The following SCN8A variants were observed in gnomAD, a reference collection of about 807,000 sequenced individuals.
SCN8A encodes sodium channel protein type 8 subunit alpha.
Under a neutral mutation model 184.1 loss-of-function variants are expected in SCN8A, and 30 were observed. That is an observed-to-expected ratio of 0.16 (90% CI 0.12 to 0.22). The LOEUF (loss-of-function observed/expected upper bound fraction) is 0.22. Among genes scored for constraint, SCN8A ranks in the 10% least tolerant of loss-of-function variants. The probability of loss-of-function intolerance (pLI) is 1.00; values close to 1 mark genes in which losing one functional copy is unlikely to be tolerated. For synonymous variants in SCN8A, 852 were observed against 907.0 expected (o/e 0.94, Z 1.09); for missense variants, 1,057 against 2,498.9 (o/e 0.42, Z 12.30).
chr12:51,742,716 T>C (rs1365204840), intron 12 of SCN8A, among the ~76,000 whole-genome samples: 3 of 152,110 alleles, frequency 2.0e-5, no homozygotes, highest in Non-Finnish European at 4.4e-5. Context: ...TATAATCTTC[T>C]TGTACTTGAA....
At chr12:51,704,412 G>A (rs1462420439) in intron 9 of SCN8A, among the ~76,000 whole-genome samples, 1 of 151,704 alleles carries the variant, frequency 6.6e-6, no homozygotes, top group Admixed American at 6.6e-5. Flanking sequence ...GCTCATGCCT[G>A]TAATCCCAGC....
At chr12:51,655,765 T>C (rs1940811178) in intron 1 of SCN8A, among the ~76,000 whole-genome samples, 1 of 152,228 alleles carries the variant, frequency 6.6e-6, no homozygotes, top group South Asian at 2.1e-4. Context: ...TCAATCTCTT[T>C]TAGAACTGCC....
intron 15 of SCN8A, 68 bp downstream of exon 15, chr12:51,762,744 A>C (rs1942780988): frequency 1.1e-5 from 15 of 1,329,476 alleles, no homozygotes; most frequent in Non-Finnish European, 1.5e-5. Flanking sequence ...AGTTCTGCAT[A>C]AATTAATTTG....
At chr12:51,709,880 G>C (rs1941845788) in intron 11 of SCN8A, among the ~76,000 whole-genome samples, 1 of 152,172 alleles carries the variant, frequency 6.6e-6, no homozygotes, top group Non-Finnish European at 1.5e-5. Flanking sequence ...GGATGAGGTG[G>C]ATAAATTTGT....
chr12:51,760,228 A>G (rs1236755138), intron 14 of SCN8A, among the ~76,000 whole-genome samples: 1 of 152,242 alleles, frequency 6.6e-6, no homozygotes, highest in Non-Finnish European at 1.5e-5. Flanking sequence ...CAGTGCAAAC[A>G]AGAGCATCAT....
rs140778459 is a variant in SCN8A, at chr12:51,767,451, A to G, written c.2902-1414A>G. On this transcript the variant is annotated intron_variant, in intron 16 of 26. Transcript: ENST00000627620. ...TTCTGTCTCTTTTCTCTCCACTCCC[A>G]GCAAATATCTGATGTGTCTTAAATG... is the stretch of plus-strand genomic sequence containing the variant. Among the ~76,000 whole-genome samples, 11 of 152,306 alleles carry G rather than the reference A, an allele frequency of 7.2e-5. No homozygotes were observed. The East Asian group carries it at 2.1e-3, about 29-fold the overall frequency.
chr12:51,654,197 A>G (rs869117816), intron 1 of SCN8A, among the ~76,000 whole-genome samples: 2 of 152,182 alleles, frequency 1.3e-5, no homozygotes, highest in African/African-American at 4.8e-5. Flanking sequence ...TCATTTTAAT[A>G]AAGTTCCATT....
intron 9 of SCN8A, among the ~76,000 whole-genome samples, chr12:51,704,554 C>G (rs1223522326): frequency 6.6e-6 from 1 of 151,224 alleles, no homozygotes; most frequent in African/African-American, 2.4e-5. Context: ...CCTGTAATCC[C>G]AGCTACTCGG....
chr12:51,627,141 G>A (rs1389999599), intron 1 of SCN8A, among the ~76,000 whole-genome samples: 1 of 152,148 alleles, frequency 6.6e-6, no homozygotes, highest in Non-Finnish European at 1.5e-5. Context: ...GGGACTAGGA[G>A]TAGGAGACTT....
intron 1 of SCN8A, among the ~76,000 whole-genome samples, chr12:51,639,392 G>C (rs114452962): frequency 6.6e-6 from 1 of 151,884 alleles, no homozygotes; most frequent in African/African-American, 2.4e-5. Context: ...GGTTTGAGAG[G>C]ACTGACTCCA....
Position 51,592,963 on chromosome 12 carries a change from A to AT in SCN8A, c.-55+1614dup, listed in dbSNP as rs78801013. Reference sequence around the variant, plus strand: ...TGCTTTTATTCTTTTCTCAAAAAAAATTTTTTTTTTGATTTGTGATGCAAA... The same window carrying AT: ...TGCTTTTATTCTTTTCTCAAAAAAAATTTTTTTTTTTGATTTGTGATGCAAA... On this transcript the variant is annotated intron_variant, in intron 1 of 26. Coordinates refer to ENST00000627620, the MANE Select transcript of SCN8A (RefSeq NM_001330260.2). 3.3e-5 allele frequency among the ~76,000 whole-genome samples: 5 copies of AT among 152,130 alleles called. No individual in the cohort carries two copies. The East Asian group carries it at 7.7e-4, about 23-fold the overall frequency.
At chr12:51,591,989 A>T (rs1157231610) in intron 1 of SCN8A, among the ~76,000 whole-genome samples, 2 of 139,190 alleles carry the variant, frequency 1.4e-5, no homozygotes, top group African/African-American at 5.6e-5. Context: ...CTTCCTCGGC[A>T]GGCGAGGATT....
At chr12:51,684,583 A>C (rs916197939) in intron 3 of SCN8A, among the ~76,000 whole-genome samples, 3 of 152,196 alleles carry the variant, frequency 2.0e-5, no homozygotes, top group African/African-American at 7.2e-5. Flanking sequence ...TTTAGTACTC[A>C]GACTTCAGTG....
intron 2 of SCN8A, among the ~76,000 whole-genome samples, chr12:51,681,952 T>C (rs1184630720): frequency 6.6e-6 from 1 of 151,290 alleles, no homozygotes. Flanking sequence ...GGGATGGAGG[T>C]TAAAAAAAAA....
intron 2 of SCN8A, among the ~76,000 whole-genome samples, chr12:51,681,159 A>G (rs749387882): frequency 2.0e-5 from 3 of 152,070 alleles, no homozygotes; most frequent in Admixed American, 6.5e-5. Context: ...TAGCTGCCCT[A>G]TCTACCCCGG....
chr12:51,696,393 A>G lies in SCN8A; in HGVS notation c.707-3177A>G, dbSNP rs1941593186. Among the ~76,000 whole-genome samples, 4 of 152,202 alleles carry G rather than the reference A, an allele frequency of 2.6e-5. No individual in the cohort carries two copies. The South Asian group carries it at 8.3e-4, about 31-fold the overall frequency. ...CCCACTCCAACCCAGTCAAAATATA[A>G]TGAGGACTTCTCTGTTCCTTAGCAA... On this transcript the variant is annotated intron_variant, in intron 6 of 26. Coordinates refer to ENST00000627620, the MANE Select transcript of SCN8A (RefSeq NM_001330260.2).
chr12:51,639,055 A>G (rs954552147), intron 1 of SCN8A, among the ~76,000 whole-genome samples: 1 of 151,898 alleles, frequency 6.6e-6, no homozygotes, highest in Non-Finnish European at 1.5e-5. Context: ...ATTATGGCTC[A>G]CTGCAGCCTT....
chr12:51,780,003 G>A (rs2138890079), intron 20 of SCN8A, among the ~76,000 whole-genome samples: 1 of 131,662 alleles, frequency 7.6e-6, no homozygotes, highest in South Asian at 2.4e-4. Flanking sequence ...CACAGTTCTT[G>A]GGAACTGCAA....
intron 26 of SCN8A, among the ~76,000 whole-genome samples, chr12:51,805,977 C>T (rs960326955): frequency 1.3e-5 from 2 of 152,138 alleles, no homozygotes; most frequent in African/African-American, 4.8e-5. Flanking sequence ...TACAGATGTG[C>T]ACCACCATGC....
Sources: gnomAD v4.1 joint callset for allele counts (sites outside exome capture counted in the v4.1 genomes callset) on GRCh38, gnomAD v4.1.1 for gene constraint, MANE v1.5 for transcripts, NCBI Gene and HGNC (gene_info 2026-07-23, HGNC 2026-07-21) for gene names.